SULT2B1: variants seen among roughly 807,000 people sequenced by gnomAD.
The protein encoded by SULT2B1 is sulfotransferase 2B1.
A neutral mutation model predicts 33.2 loss-of-function variants in SULT2B1; 16 were observed. The observed-to-expected ratio is 0.48, with a 90% CI of 0.33 to 0.73. The LOEUF is 0.73. Ranked by LOEUF, SULT2B1 falls within the 30% of genes least tolerant of loss-of-function variation. The pLI is 0.02. For synonymous variants in SULT2B1, 186 were observed against 200.5 expected (o/e 0.93, Z 0.61); for missense variants, 500 against 506.0 (o/e 0.99, Z 0.11).
At chr19:48,571,216 G>T (rs1265086341) in intron 1 of SULT2B1, among the ~76,000 whole-genome samples, 3 of 44,848 alleles carry the variant, frequency 6.7e-5, no homozygotes, top group African/African-American at 3.3e-4. Context: ...TATTTATTTT[G>T]AGATGGAGTT....
chr19:48,554,153 G>A (rs1057135618), intron 1 of SULT2B1, among the ~76,000 whole-genome samples: 2 of 152,030 alleles, frequency 1.3e-5, no homozygotes, highest in Non-Finnish European at 2.9e-5. Flanking sequence ...CCCTGGGGGG[G>A]TGCCCTTAGG....
intron 1 of SULT2B1, among the ~76,000 whole-genome samples, chr19:48,570,457 G>A (rs894974042): frequency 6.6e-6 from 1 of 152,164 alleles, no homozygotes; most frequent in Non-Finnish European, 1.5e-5. Context: ...GGGATTACAG[G>A]CGTGAGCCAC....
intron 1 of SULT2B1, among the ~76,000 whole-genome samples, chr19:48,559,740 G>A (rs1349331486): frequency 6.6e-6 from 1 of 150,648 alleles, no homozygotes; most frequent in Non-Finnish European, 1.5e-5. Context: ...TGGAGTGGAG[G>A]CCCTAAGAGA....
At chr19:48,572,507 C>G (rs1328722627) in intron 1 of SULT2B1, among the ~76,000 whole-genome samples, 1 of 121,364 alleles carries the variant, frequency 8.2e-6, no homozygotes, top group Non-Finnish European at 2.0e-5. Context: ...GAGCAAGACT[C>G]CATCTCAAAA....
rs759048996 is a variant in SULT2B1 at position 48,576,035 on chromosome 19, C to G, written c.166C>G (p.Gln56Glu). The G allele has an allele frequency of 1.9e-6, 3 of 1,613,742 alleles. No individual in the cohort carries two copies. Among genetic ancestry groups the G allele is most frequent in the Non-Finnish European group, 8.5e-7 (1 of 1,179,926 alleles). The change falls in exon 2 of 7, where the codon CAA becomes GAA. Residue 56 changes from glutamine to glutamate, a missense_variant. By Grantham distance (29) the Gln-to-Glu change is conservative. Transcript: ENST00000201586. The stretch of plus-strand genomic sequence containing the variant: ...GAGCATCAGCTTGGCGGAGAACACC[C>G]AAGATGTGCGGGACGACGACATCTT... The part of the protein sequence containing the change: ...LESISLAENT[Q>E]DVRDDDIFII...
intron 1 of SULT2B1, among the ~76,000 whole-genome samples, chr19:48,570,717 CG>C: frequency 6.6e-6 from 1 of 151,282 alleles, no homozygotes; most frequent in Non-Finnish European, 1.5e-5. Flanking sequence ...TTTTGTTTTC[CG>C]TTTTTGTTTT....
At chr19:48,554,679 T>TC in intron 1 of SULT2B1, among the ~76,000 whole-genome samples, 1 of 123,938 alleles carries the variant, frequency 8.1e-6, no homozygotes, top group Non-Finnish European at 1.7e-5. Context: ...TTTTTTTTTT[T>TC]TTGAGACTGA....
chr19:48,578,854 C>A (rs938328638), intron 2 of SULT2B1, among the ~76,000 whole-genome samples: 1 of 151,806 alleles, frequency 6.6e-6, no homozygotes, highest in African/African-American at 2.4e-5. Flanking sequence ...CCAGCCTTGG[C>A]GATAGGGCAA....
At chr19:48,559,461 C>T (rs909459548) in intron 1 of SULT2B1, among the ~76,000 whole-genome samples, 1 of 152,140 alleles carries the variant, frequency 6.6e-6, no homozygotes, top group Non-Finnish European at 1.5e-5. Flanking sequence ...ACCTCCGCCT[C>T]CTGGGTTCAA....
intron 2 of SULT2B1, among the ~76,000 whole-genome samples, chr19:48,586,645 G>A (rs1973565197): frequency 6.6e-6 from 1 of 152,202 alleles, no homozygotes; most frequent in African/African-American, 2.4e-5. Flanking sequence ...GGGGTTGGGT[G>A]GACAGCTCAC....
Position 48,599,387 on chromosome 19 carries a change from C to T in SULT2B1, c.1079C>T (p.Pro360Leu), listed in dbSNP as rs763659919. The change falls in exon 7 of 7, where the codon CCG becomes CTG. Residue 360 changes from proline (P) to leucine (L), a missense_variant. Pro to Leu is a moderately conservative substitution (Grantham distance 98). Coordinates refer to ENST00000201586, the MANE Select transcript of SULT2B1 (RefSeq NM_177973.2). This position sits in a 1 kb window ranked among gnomAD's most constrained non-coding sequence, Gnocchi z 4.1. ...AGCCCCGGCCAGGCCTCTGAGACCC[C>T]GCACCCACGACCCTCATAATAAACA... is the stretch of plus-strand genomic sequence containing the variant. The part of the protein sequence containing the change: ...SPSPGQASET[P>L]HPRPS 3.2e-6 allele frequency: 5 copies of T among 1,555,878 alleles called. No individual in the cohort carries two copies. In the African/African-American group the frequency reaches 4.1e-5, roughly 13 times the overall value.
At chr19:48,555,900 C>T (rs1383183859) in intron 1 of SULT2B1, among the ~76,000 whole-genome samples, 1 of 151,942 alleles carries the variant, frequency 6.6e-6, no homozygotes, top group African/African-American at 2.4e-5. Flanking sequence ...CTACCATGCC[C>T]GGCTAATTTT....
At chr19:48,590,619 A>G (rs1364445566) in intron 3 of SULT2B1, among the ~76,000 whole-genome samples, 1 of 152,018 alleles carries the variant, frequency 6.6e-6, no homozygotes, top group Non-Finnish European at 1.5e-5. Flanking sequence ...ACAAAACAAA[A>G]CAAAAAAATC....
chr19:48,569,321 G>A (rs1347063932), intron 1 of SULT2B1, among the ~76,000 whole-genome samples: 5 of 139,036 alleles, frequency 3.6e-5, no homozygotes, highest in East Asian at 4.9e-4. Flanking sequence ...CAGCCTGGGC[G>A]ACAGAGAGAG....
intron 1 of SULT2B1, among the ~76,000 whole-genome samples, chr19:48,574,963 T>C (rs1298831354): frequency 1.3e-5 from 2 of 152,176 alleles, no homozygotes; most frequent in African/African-American, 4.8e-5. Context: ...AGGCCTACTG[T>C]GTGCGCAAGG....
intron 1 of SULT2B1, among the ~76,000 whole-genome samples, chr19:48,567,427 T>G (rs1437669483): frequency 6.6e-6 from 1 of 152,076 alleles, no homozygotes; most frequent in Non-Finnish European, 1.5e-5. Flanking sequence ...CCAGGCGTGG[T>G]GGTGCACGCC....
intron 1 of SULT2B1, among the ~76,000 whole-genome samples, chr19:48,571,408 G>T (rs994570731): frequency 2.6e-5 from 4 of 151,314 alleles, no homozygotes; most frequent in African/African-American, 9.7e-5. Context: ...TGTTGGCCAG[G>T]CTGGTCTTGA....
chr19:48,566,668 C>T (rs1355437690), intron 1 of SULT2B1, among the ~76,000 whole-genome samples: 2 of 152,090 alleles, frequency 1.3e-5, no homozygotes, highest in South Asian at 4.2e-4. Context: ...ATGGTAAAAC[C>T]CCGTTTTTAC....
chr19:48,589,143 A>AG (rs1973609291), intron 3 of SULT2B1, among the ~76,000 whole-genome samples: 1 of 152,204 alleles, frequency 6.6e-6, no homozygotes, highest in African/African-American at 2.4e-5. Context: ...GCCGGGGTCC[A>AG]GGGGAGGGGA....
Sources: gnomAD v4.1 joint callset for allele counts (sites outside exome capture counted in the v4.1 genomes callset) on GRCh38, gnomAD v4.1.1 for gene constraint, Gnocchi (gnomAD v3.1) non-coding constraint, MANE v1.5 for transcripts, NCBI Gene and HGNC (gene_info 2026-07-23, HGNC 2026-07-21) for gene names.